B3GALT1: variants seen among roughly 807,000 people sequenced by gnomAD.
B3GALT1 encodes UDP-Gal:betaGlcNAc beta 1,3-galactosyltransferase, polypeptide 1.
Under a neutral mutation model 23.2 loss-of-function variants are expected in B3GALT1, and 10 were observed. That is an observed-to-expected ratio of 0.43 (90% CI 0.27 to 0.73). The LOEUF (loss-of-function observed/expected upper bound fraction) is 0.73. Among genes scored for constraint, B3GALT1 ranks in the 30% least tolerant of loss-of-function variants. The pLI, the probability that B3GALT1 is intolerant of heterozygous loss-of-function variation, is 0.21. For missense variants in B3GALT1, 299 were observed against 405.4 expected (o/e 0.74, Z 2.25); for synonymous variants, 156 against 141.5 (o/e 1.10, Z -0.73).
chr2:167,627,671 A>G (rs548759966), intron 2 of B3GALT1, among the ~76,000 whole-genome samples: 1 of 151,568 alleles, frequency 6.6e-6, no homozygotes, highest in African/African-American at 2.4e-5. Flanking sequence ...ATCTTTTTTT[A>G]TTTTGGGTAA....
intron 1 of B3GALT1, among the ~76,000 whole-genome samples, chr2:167,460,815 C>G (rs1699248678): frequency 1.3e-5 from 2 of 152,172 alleles, no homozygotes; most frequent in Admixed American, 1.3e-4. Flanking sequence ...TAGGCTATCT[C>G]TGTGCCAAGT....
At chr2:167,322,720 T>G (rs1360620077) in intron 1 of B3GALT1, among the ~76,000 whole-genome samples, 1 of 152,074 alleles carries the variant, frequency 6.6e-6, no homozygotes, top group Admixed American at 6.5e-5. Context: ...TTTCTTCTCT[T>G]GGTAAAGGAG....
chr2:167,543,325 A>C (rs1023128432), intron 2 of B3GALT1, among the ~76,000 whole-genome samples: 2 of 152,198 alleles, frequency 1.3e-5, no homozygotes, highest in Admixed American at 6.5e-5. Context: ...GCTTTCCAGC[A>C]GCTGAGATAA....
intron 4 of B3GALT1, among the ~76,000 whole-genome samples, chr2:167,865,955 A>G (rs1267990254): frequency 6.6e-6 from 1 of 151,976 alleles, no homozygotes; most frequent in Non-Finnish European, 1.5e-5. Context: ...ACCCCTGCTA[A>G]TCTCTCAACC....
chr2:167,666,522 G>A (rs142982185), intron 3 of B3GALT1, among the ~76,000 whole-genome samples: 61,446 of 150,472 alleles, frequency 0.41, 13,782 homozygotes, highest in Admixed American at 0.5. Flanking sequence ...TTTCTGTCTT[G>A]TTGATCTGTC....
At chr2:167,663,439 A>G (rs1270960646) in intron 3 of B3GALT1, among the ~76,000 whole-genome samples, 1 of 152,114 alleles carries the variant, frequency 6.6e-6, no homozygotes, top group Non-Finnish European at 1.5e-5. Context: ...ATGTGTCTTT[A>G]TAGCAGCACG....
At chr2:167,518,188 T>C (rs569396026) in intron 2 of B3GALT1, among the ~76,000 whole-genome samples, 11 of 152,280 alleles carry the variant, frequency 7.2e-5, no homozygotes, top group Non-Finnish European at 1.3e-4. Context: ...ATAAGACTAA[T>C]TGCCCTATAC....
intron 1 of B3GALT1, among the ~76,000 whole-genome samples, chr2:167,398,433 ATC>A (rs1386571891): frequency 1.3e-5 from 2 of 151,836 alleles, no homozygotes; most frequent in African/African-American, 4.8e-5. Context: ...CTCTATTGCT[ATC>A]TCTCTATTCT....
intron 3 of B3GALT1, among the ~76,000 whole-genome samples, chr2:167,674,379 G>GA (rs532004937): frequency 1.4e-4 from 21 of 151,386 alleles, no homozygotes; most frequent in Non-Finnish European, 2.8e-4. Context: ...ATTTACTTCA[G>GA]AAAAAAAATG....
chr2:167,664,101 C>T (rs937689885), intron 3 of B3GALT1, among the ~76,000 whole-genome samples: 2 of 150,744 alleles, frequency 1.3e-5, no homozygotes, highest in African/African-American at 2.5e-5. Context: ...TTAGGTCTAA[C>T]GTTTAAGTCT....
intron 3 of B3GALT1, among the ~76,000 whole-genome samples, chr2:167,765,108 T>TA (rs1271503275): frequency 6.6e-6 from 1 of 152,194 alleles, no homozygotes; most frequent in African/African-American, 2.4e-5. Context: ...GGCTTACTAT[T>TA]ACCCTTTGAC....
intron 3 of B3GALT1, among the ~76,000 whole-genome samples, chr2:167,739,614 A>G (rs553852760): frequency 5.3e-5 from 8 of 152,140 alleles, no homozygotes; most frequent in Admixed American, 4.6e-4. Flanking sequence ...TATTTTCTCC[A>G]TAGTGCTTTT....
At chr2:167,422,494 A>C (rs1189020794) in intron 1 of B3GALT1, among the ~76,000 whole-genome samples, 2 of 152,228 alleles carry the variant, frequency 1.3e-5, no homozygotes, top group South Asian at 4.1e-4. Context: ...TTACATAGTC[A>C]GGATTTCTTC....
At chr2:167,671,733 GA>G (rs1686328903) in intron 3 of B3GALT1, among the ~76,000 whole-genome samples, 1 of 151,074 alleles carries the variant, frequency 6.6e-6, no homozygotes, top group Non-Finnish European at 1.5e-5. Context: ...AAGAATTAGG[GA>G]AAAAAAGAAT....
chr2:167,681,729 T>A (rs769613555), intron 3 of B3GALT1, among the ~76,000 whole-genome samples: 1 of 152,214 alleles, frequency 6.6e-6, no homozygotes, highest in Non-Finnish European at 1.5e-5. Flanking sequence ...CCCATATATG[T>A]AGGGCCTATT....
At chr2:167,836,781 G>A (rs1283516574) in intron 4 of B3GALT1, among the ~76,000 whole-genome samples, 1 of 152,128 alleles carries the variant, frequency 6.6e-6, no homozygotes, top group Non-Finnish European at 1.5e-5. Flanking sequence ...AGAGAGAAAG[G>A]GCGGGTTACC....
chr2:167,860,682 CA>C (rs1690081012), intron 4 of B3GALT1, among the ~76,000 whole-genome samples: 1 of 152,046 alleles, frequency 6.6e-6, no homozygotes, highest in Admixed American at 6.6e-5. Flanking sequence ...TTGTATTCTC[CA>C]AAACCAAGCC....
At chr2:167,693,779 C>A (rs576775323) in intron 3 of B3GALT1, among the ~76,000 whole-genome samples, 2 of 152,234 alleles carry the variant, frequency 1.3e-5, no homozygotes, top group South Asian at 4.1e-4. Flanking sequence ...CTATAACACT[C>A]CATGATTCTG....
intron 1 of B3GALT1, among the ~76,000 whole-genome samples, chr2:167,429,556 A>C (rs753731898): frequency 2.0e-5 from 3 of 152,192 alleles, no homozygotes; most frequent in Non-Finnish European, 2.9e-5. Flanking sequence ...AAATTATCTC[A>C]AATAGTGAAA....
Sources: allele counts gnomAD v4.1 joint callset (sites outside exome capture counted in the v4.1 genomes callset), GRCh38; gene constraint gnomAD v4.1.1; transcripts MANE v1.5; gene names NCBI Gene and HGNC (gene_info 2026-07-23, HGNC 2026-07-21).